RBM33: variants seen among roughly 807,000 people sequenced by gnomAD.
The protein encoded by RBM33 is RNA-binding protein 33.
RBM33 carries 28 observed loss-of-function variants against 132.6 expected under a neutral mutation model. The ratio of observed to expected loss-of-function variants is 0.21; its 90% CI spans 0.16 to 0.29. The LOEUF (loss-of-function observed/expected upper bound fraction) is 0.29. Ranked by LOEUF, RBM33 falls within the 10% of genes least tolerant of loss-of-function variation. RBM33 has a pLI of 1.00. For synonymous variants in RBM33, 634 were observed against 593.0 expected (o/e 1.07, Z -1.01); for missense variants, 1,291 against 1,518.5 (o/e 0.85, Z 2.49).
At chr7:155,758,846 G>A (rs918474951) in intron 14 of RBM33, among the ~76,000 whole-genome samples, 8 of 152,132 alleles carry the variant, frequency 5.3e-5, no homozygotes, top group East Asian at 1.9e-4. Flanking sequence ...AGAGACCACC[G>A]AGAGCCAGAC....
intron 1 of RBM33, among the ~76,000 whole-genome samples, chr7:155,660,530 T>C (rs1184535634): frequency 6.6e-6 from 1 of 152,222 alleles, no homozygotes; most frequent in Admixed American, 6.5e-5. Flanking sequence ...AAGATCATGT[T>C]GGTGGATTTG....
At chr7:155,679,523 A>G (rs1799279796) in intron 4 of RBM33, among the ~76,000 whole-genome samples, 1 of 152,176 alleles carries the variant, frequency 6.6e-6, no homozygotes, top group African/African-American at 2.4e-5. Context: ...AGGTGGAATA[A>G]TAGTTTTTAT....
intron 5 of RBM33, among the ~76,000 whole-genome samples, chr7:155,689,178 A>C (rs1420810571): frequency 6.6e-6 from 1 of 152,208 alleles, no homozygotes; most frequent in Non-Finnish European, 1.5e-5. Flanking sequence ...CAGGGATTCA[A>C]CTTCTTCCTG....
chr7:155,707,879 C>T (rs567734127), intron 7 of RBM33, among the ~76,000 whole-genome samples: 2 of 152,272 alleles, frequency 1.3e-5, no homozygotes, highest in South Asian at 2.1e-4. Context: ...AGGGTGGTCT[C>T]GAACTCCTGA....
intron 8 of RBM33, among the ~76,000 whole-genome samples, chr7:155,715,245 TA>T (rs1437940439): frequency 6.6e-6 from 1 of 152,210 alleles, no homozygotes; most frequent in Non-Finnish European, 1.5e-5. Flanking sequence ...ATCTTCCCCA[TA>T]GTGGTTGTCC....
chr7:155,680,957 C>A, intron 5 of RBM33, 49 bp downstream of exon 5: 1 of 1,472,080 alleles, frequency 6.8e-7, no homozygotes, highest in Non-Finnish European at 9.4e-7. Flanking sequence ...GCTTCCCATG[C>A]ATAGGCTTCT....
At chr7:155,681,663 A>G (rs1006696522) in intron 5 of RBM33, among the ~76,000 whole-genome samples, 2 of 152,122 alleles carry the variant, frequency 1.3e-5, no homozygotes, top group Admixed American at 6.5e-5. Flanking sequence ...TGGGAACACT[A>G]TGGGGGCCGA....
Position 155,780,788 on chromosome 7 carries a change from T to C in RBM33, c.*5747T>C, listed in dbSNP as rs1244350625. The C allele has an allele frequency of 6.6e-6, 1 of 152,324 alleles. No homozygotes were observed. The highest frequency in any genetic ancestry group is 6.6e-5 in the Admixed American group (1 of 15,266). The allele number at this position is 152,324 out of a possible 1,614,324, so 9.4% of individuals were successfully genotyped here. A position where few individuals can be genotyped will look rare whatever the true frequency, so the allele number is the denominator to read the frequency against. Reference sequence around the variant, plus strand: ...TTTTCACACTGTGTTTACCACTCCATCACCTCTCAACCTTTGCTTCGACAG... The same window carrying C: ...TTTTCACACTGTGTTTACCACTCCACCACCTCTCAACCTTTGCTTCGACAG... On this transcript the variant is annotated 3_prime_UTR_variant, in exon 18 of 18. Coordinates refer to ENST00000401878, the MANE Select transcript of RBM33 (RefSeq NM_053043.3).
chr7:155,729,225 C>T (rs541019241), intron 9 of RBM33, among the ~76,000 whole-genome samples: 1 of 152,020 alleles, frequency 6.6e-6, no homozygotes, highest in Non-Finnish European at 1.5e-5. Flanking sequence ...GGGGAAACTG[C>T]CCCCATGATC....
intron 3 of RBM33, among the ~76,000 whole-genome samples, chr7:155,674,885 G>A (rs1010749874): frequency 6.6e-5 from 10 of 152,126 alleles, no homozygotes; most frequent in African/African-American, 2.2e-4. Context: ...TAAAATAAAT[G>A]CATTGTACCT....
chr7:155,677,190 T>C (rs959474660), intron 3 of RBM33, among the ~76,000 whole-genome samples: 3 of 151,560 alleles, frequency 2.0e-5, no homozygotes, highest in Non-Finnish European at 4.4e-5. Context: ...GATTATATGG[T>C]CACCTAACGG....
chr7:155,660,062 A>G (rs924517215), intron 1 of RBM33, among the ~76,000 whole-genome samples: 6 of 152,182 alleles, frequency 3.9e-5, no homozygotes, highest in African/African-American at 1.2e-4. Context: ...ACTTGATTAT[A>G]TCTGTAAATA....
chr7:155,720,741 C>G (rs531899334), intron 9 of RBM33, among the ~76,000 whole-genome samples: 1 of 152,276 alleles, frequency 6.6e-6, no homozygotes, highest in African/African-American at 2.4e-5. Context: ...GCAAAGCCGT[C>G]TGGAGATTTC....
chr7:155,766,953 C>G (rs1430988021), intron 16 of RBM33: 13 of 349,534 alleles, frequency 3.7e-5, no homozygotes, highest in Non-Finnish European at 6.6e-5. Flanking sequence ...CACATACATA[C>G]AAAATTTTTT....
Position 155,711,321 on chromosome 7 carries a change from C to T in RBM33, c.1067C>T (p.Pro356Leu). The change falls in exon 8 of 18, where the codon CCT (proline) becomes CTT (leucine). Residue 356 changes from proline (P) to leucine (L), a missense_variant. By Grantham distance (98) the Pro-to-Leu change is moderately conservative. This residue lies in a region of RBM33 where 146 missense variants were observed against 137.1 expected (regional missense o/e 1.07). Coordinates refer to ENST00000401878, the MANE Select transcript of RBM33 (RefSeq NM_053043.3). Reference sequence around the variant, plus strand: ...CAGCACCCGCACCACCCATCCCCGCCTCAGGGAATGCACATGCCTCCCCAG... The same window carrying T: ...CAGCACCCGCACCACCCATCCCCGCTTCAGGGAATGCACATGCCTCCCCAG... ...PVQHPHHPSP[P>L]QGMHMPPQLE... 2 of 1,606,702 alleles carry T rather than the reference C, an allele frequency of 1.2e-6. No homozygotes were observed. Among genetic ancestry groups the T allele is most frequent in the East Asian group, 4.6e-5 (2 of 43,920 alleles).
At position 155,777,293 on chromosome 7, in the gene RBM33, A is replaced by T. The variant is rs1229671738; in HGVS notation, c.*2252A>T. 6.6e-6 allele frequency: 1 copy of T among 152,538 alleles called. No homozygotes were observed. The highest frequency in any genetic ancestry group is 6.5e-5 in the Admixed American group (1 of 15,286). The allele number at this position is 152,538 out of a possible 1,614,324, so 9.4% of individuals were successfully genotyped here. ...TGTTTCTCTAACTGTCTACACGTGC[A>T]CATAGGCAGACTTTCTCATAGAATG... On this transcript the variant is annotated 3_prime_UTR_variant, in exon 18 of 18. Transcript: ENST00000401878.
intron 16 of RBM33, among the ~76,000 whole-genome samples, chr7:155,773,806 C>A (rs1448672687): frequency 6.6e-6 from 1 of 152,128 alleles, no homozygotes; most frequent in East Asian, 1.9e-4. Context: ...AGCAGCTCCC[C>A]CTCTTCCTCA....
At chr7:155,739,628 G>T (rs560426780) in intron 11 of RBM33, 87 bp from the exon 12 acceptor site, 10 of 1,401,262 alleles carry the variant, frequency 7.1e-6, no homozygotes, top group Non-Finnish European at 9.5e-6. Context: ...CCTTTCTTGT[G>T]TTGAGGTTTT....
intron 9 of RBM33, among the ~76,000 whole-genome samples, chr7:155,730,332 A>T (rs768246801): frequency 5.3e-5 from 8 of 152,260 alleles, no homozygotes; most frequent in Admixed American, 1.3e-4. Flanking sequence ...TTTTTACCAT[A>T]TATGGAAACA....
Sources: gnomAD v4.1 joint callset for allele counts (sites outside exome capture counted in the v4.1 genomes callset) on GRCh38, gnomAD v4.1.1 for gene constraint, gnomAD v4.1.1 regional missense constraint, MANE v1.5 for transcripts, NCBI Gene and HGNC (gene_info 2026-07-23, HGNC 2026-07-21) for gene names.